The following ARMH4 variants were observed in gnomAD, a reference collection of about 807,000 sequenced individuals.
ARMH4 encodes armadillo-like helical domain-containing protein 4.
ARMH4 carries 49 observed loss-of-function variants against 61.9 expected under a neutral mutation model. The observed-to-expected ratio is 0.79, with a 90% CI of 0.63 to 1.00. ARMH4 has a LOEUF of 1.00. Ranked by LOEUF, ARMH4 falls within the 50% of genes least tolerant of loss-of-function variation. The pLI is 0.00. For synonymous variants in ARMH4, 368 were observed against 341.5 expected, an observed-to-expected ratio of 1.08 and a Z score of -0.85; for missense variants, 934 against 930.0, an observed-to-expected ratio of 1.00 and a Z score of -0.06.
At chr14:58,066,562 TTA>T (rs1254287843) in intron 5 of ARMH4, among the ~76,000 whole-genome samples, 4 of 152,262 alleles carry the variant, frequency 2.6e-5, no homozygotes, top group Admixed American at 2.6e-4. Flanking sequence ...GTGGCTAATT[TTA>T]TGTTATGTAA....
At position 58,138,634 on chromosome 14, in the gene ARMH4, G is replaced by C. The variant is rs764442604; in HGVS notation, c.725C>G (p.Thr242Arg). Residue 242 changes from threonine (T) to arginine (R), a missense_variant, in exon 2 of 8, where the codon ACA (threonine) becomes AGA (arginine). Physicochemically the swap from Thr to Arg is moderately conservative, Grantham distance 71. Coordinates refer to ENST00000267485, the MANE Select transcript of ARMH4 (RefSeq NM_001001872.4). ...GAGGCTTCCAGGCTCACTGCCTGCT[G>C]TGGACTCAGCACCAGGAAAAGAAGT... is the stretch of plus-strand genomic sequence containing the variant. ...RTTSFPGAES[T>R]AGSEPGSLTP... is the part of the protein sequence containing the mutation. The C allele has an allele frequency of 6.2e-7, 1 of 1,614,188 alleles. No individual in the cohort carries two copies. Among genetic ancestry groups the C allele is most frequent in the Non-Finnish European group, 8.5e-7 (1 of 1,180,008 alleles).
At chr14:58,086,306 G>C (rs1436663272) in intron 5 of ARMH4, among the ~76,000 whole-genome samples, 1 of 152,070 alleles carries the variant, frequency 6.6e-6, no homozygotes, top group East Asian at 1.9e-4. Flanking sequence ...TGATGTTCTG[G>C]AAAAAACTAG....
chr14:58,035,088 C>T (rs1883425603), intron 5 of ARMH4, among the ~76,000 whole-genome samples: 1 of 147,878 alleles, frequency 6.8e-6, no homozygotes. Context: ...CACCCCAAAT[C>T]AACAGAATAT....
intron 5 of ARMH4, among the ~76,000 whole-genome samples, chr14:58,093,162 T>C (rs917596273): frequency 6.6e-6 from 1 of 152,174 alleles, no homozygotes; most frequent in African/African-American, 2.4e-5. Context: ...TCTGCCATGA[T>C]TGTAAATTTC....
chr14:58,118,413 G>A (rs1886601670), intron 4 of ARMH4, among the ~76,000 whole-genome samples: 1 of 149,974 alleles, frequency 6.7e-6, no homozygotes, highest in African/African-American at 2.4e-5. Context: ...AAACAGGACA[G>A]ACAGTACGTA....
At chr14:58,040,487 C>A (rs909468665) in intron 5 of ARMH4, among the ~76,000 whole-genome samples, 2 of 152,180 alleles carry the variant, frequency 1.3e-5, no homozygotes, top group African/African-American at 4.8e-5. Flanking sequence ...CTGCAAAGGA[C>A]ATTATCTTGT....
intron 4 of ARMH4, among the ~76,000 whole-genome samples, chr14:58,121,663 G>C (rs949789225): frequency 1.3e-5 from 2 of 152,172 alleles, no homozygotes; most frequent in Non-Finnish European, 2.9e-5. Context: ...CTTAGGAATA[G>C]AGCTCTGTCA....
At chr14:58,091,351 C>T (rs1885558287) in intron 5 of ARMH4, among the ~76,000 whole-genome samples, 1 of 152,144 alleles carries the variant, frequency 6.6e-6, no homozygotes, top group Non-Finnish European at 1.5e-5. Flanking sequence ...AGTCAACACA[C>T]CAAGGATAGT....
chr14:58,004,471 C>A lies in ARMH4; in HGVS notation c.*265G>T. On this transcript the variant is annotated 3_prime_UTR_variant, in exon 8 of 8. Transcript: ENST00000267485. ...TAATGTAGCAACTCCTACTGAAAAACATATATGTTGCATATTTATGAGTTG... is the reference window on the plus strand; with the variant it reads ...TAATGTAGCAACTCCTACTGAAAAAAATATATGTTGCATATTTATGAGTTG... The A allele has an allele frequency of 3.3e-6, 1 of 302,430 alleles. No homozygotes were observed. Among genetic ancestry groups the A allele is most frequent in the African/African-American group, 2.2e-5 (1 of 46,440 alleles). 18.7% of individuals were successfully genotyped at this position (302,430 alleles called of 1,614,324 possible).
At chr14:58,093,540 G>A (rs748910701) in intron 5 of ARMH4, among the ~76,000 whole-genome samples, 1 of 152,134 alleles carries the variant, frequency 6.6e-6, no homozygotes, top group Non-Finnish European at 1.5e-5. Context: ...TTTCCATGTA[G>A]GGTAATTTAT....
At chr14:58,090,008 T>C (rs1022723175) in intron 5 of ARMH4, among the ~76,000 whole-genome samples, 3 of 152,228 alleles carry the variant, frequency 2.0e-5, no homozygotes, top group Admixed American at 1.3e-4. Context: ...GATAGATACA[T>C]GAGTGCTCCC....
At chr14:58,063,725 C>T (rs1884609902) in intron 5 of ARMH4, among the ~76,000 whole-genome samples, 1 of 152,194 alleles carries the variant, frequency 6.6e-6, no homozygotes, top group Non-Finnish European at 1.5e-5. Flanking sequence ...CCTCCCAGCT[C>T]ATGTCTTCCT....
chr14:58,038,543 A>G (rs1292555057), intron 5 of ARMH4, among the ~76,000 whole-genome samples: 2 of 113,256 alleles, frequency 1.8e-5, no homozygotes, highest in Non-Finnish European at 4.0e-5. Flanking sequence ...CCTAAAATTT[A>G]AAGTATAATA....
At chr14:58,027,634 A>G (rs1594701303) in intron 5 of ARMH4, among the ~76,000 whole-genome samples, 1 of 145,200 alleles carries the variant, frequency 6.9e-6, no homozygotes, top group Admixed American at 7.1e-5. Flanking sequence ...CTACACAGTT[A>G]CCTGTGTGTG....
At chr14:58,142,203 A>G (rs1380423016) in intron 1 of ARMH4, among the ~76,000 whole-genome samples, 3 of 152,102 alleles carry the variant, frequency 2.0e-5, no homozygotes, top group Non-Finnish European at 4.4e-5. Context: ...TACAGTTTAC[A>G]TTTTTTTCTT....
intron 5 of ARMH4, among the ~76,000 whole-genome samples, chr14:58,029,470 G>A (rs1302703483): frequency 1.3e-5 from 2 of 152,230 alleles, no homozygotes; most frequent in South Asian, 2.1e-4. Flanking sequence ...CTGACCTCAG[G>A]TGATCCGCCT....
Position 58,080,059 on chromosome 14 carries a change from C to A in ARMH4, c.2089+16665G>T, listed in dbSNP as rs61651367. On this transcript the variant is annotated intron_variant, in intron 5 of 7. Coordinates refer to ENST00000267485, the MANE Select transcript of ARMH4 (RefSeq NM_001001872.4). ...GGCAACAGCCAGGTTTGACTGCCAA[C>A]GATGCTAAGACAAGGAGATGAGGTG... Among the ~76,000 whole-genome samples the A allele has an allele frequency of 9.7e-4, 148 of 151,840 alleles. 1 individual carries two copies. Among genetic ancestry groups the A allele is most frequent in the African/African-American group, 3.6e-3 (148 of 41,400 alleles).
chr14:58,123,214 T>C (rs186181791), intron 4 of ARMH4, among the ~76,000 whole-genome samples: 1 of 152,288 alleles, frequency 6.6e-6, no homozygotes, highest in Admixed American at 6.5e-5. Flanking sequence ...GGGGCCATTA[T>C]ACACCTGAAC....
chr14:58,063,234 T>C (rs1236741988), intron 5 of ARMH4, among the ~76,000 whole-genome samples: 2 of 152,232 alleles, frequency 1.3e-5, no homozygotes, highest in Non-Finnish European at 2.9e-5. Flanking sequence ...TCTCCCTGCA[T>C]GTCTGTGTCT....
Sources: gnomAD v4.1 joint callset for allele counts (sites outside exome capture counted in the v4.1 genomes callset) on GRCh38, gnomAD v4.1.1 for gene constraint, MANE v1.5 for transcripts, NCBI Gene and HGNC (gene_info 2026-07-23, HGNC 2026-07-21) for gene names.